Variants in CEP112 observed in about 807,000 individuals in gnomAD.
CEP112 encodes the protein centrosomal protein 112, also known as centrosomal protein of 112 kDa.
In CEP112, 127 loss-of-function variants were observed where a neutral mutation model predicts 153.0. The ratio of observed to expected loss-of-function variants is 0.83; its 90% CI spans 0.72 to 0.96. CEP112 has a LOEUF of 0.96. Among genes scored for constraint, CEP112 ranks in the 40% least tolerant of loss-of-function variants. The probability of loss-of-function intolerance (pLI) is 0.00; values close to 1 mark genes in which losing one functional copy is unlikely to be tolerated. For synonymous variants in CEP112, 358 were observed against 374.4 expected, an observed-to-expected ratio of 0.96 and a Z score of 0.51; for missense variants, 1,089 against 1,101.2, an observed-to-expected ratio of 0.99 and a Z score of 0.16.
chr17:66,111,296 G>A (rs2069031289), intron 6 of CEP112, among the ~76,000 whole-genome samples: 2 of 152,150 alleles, frequency 1.3e-5, no homozygotes, highest in Non-Finnish European at 2.9e-5. Flanking sequence ...AAAGCAGTAT[G>A]GCCATTGCTC....
intron 12 of CEP112, among the ~76,000 whole-genome samples, chr17:66,052,004 G>T (rs1024472200): frequency 5.9e-5 from 9 of 152,136 alleles, no homozygotes; most frequent in African/African-American, 2.2e-4. Flanking sequence ...GCATACAGAT[G>T]GGCAAAATCA....
At chr17:66,032,468 C>T (rs1420470646) in intron 12 of CEP112, among the ~76,000 whole-genome samples, 2 of 152,014 alleles carry the variant, frequency 1.3e-5, no homozygotes, top group Admixed American at 1.3e-4. Flanking sequence ...ATATCACAGG[C>T]TTTCAGTTGA....
intron 20 of CEP112, chr17:65,872,843 A>G (rs1482505570): frequency 6.6e-6 from 1 of 152,202 alleles, no homozygotes; most frequent in South Asian, 2.1e-4. Context: ...GCTCTTCTAA[A>G]AACATTCCGC....
chr17:66,185,960 T>C lies in CEP112; in HGVS notation c.-8-2653A>G, dbSNP rs185496180. The stretch of plus-strand genomic sequence containing the variant: ...GTCTCTGTAAGTAAATCGTAGCTTT[T>C]ACTTGCTGACTTTACTTTCCTCAGT... On this transcript the variant is annotated intron_variant, in intron 1 of 26. Coordinates refer to ENST00000535342, the MANE Select transcript of CEP112 (RefSeq NM_001199165.4). Among the ~76,000 whole-genome samples the C allele has an allele frequency of 2.0e-5, 3 of 152,304 alleles. No homozygotes were observed. In the East Asian group the frequency reaches 5.8e-4, roughly 29 times the overall value.
chr17:65,845,361 C>G (rs2057692494), intron 21 of CEP112, among the ~76,000 whole-genome samples: 1 of 152,038 alleles, frequency 6.6e-6, no homozygotes, highest in Admixed American at 6.6e-5. Context: ...ACCCATAAAA[C>G]AGGATATCAT....
chr17:65,818,486 T>C (rs997451667), intron 21 of CEP112, among the ~76,000 whole-genome samples: 9 of 151,784 alleles, frequency 5.9e-5, no homozygotes, highest in African/African-American at 1.9e-4. Context: ...AGGATTCAGT[T>C]CCAGTGAATG....
chr17:65,811,565 A>G (rs965861322), intron 21 of CEP112, among the ~76,000 whole-genome samples: 1 of 152,196 alleles, frequency 6.6e-6, no homozygotes, highest in Non-Finnish European at 1.5e-5. Context: ...CCGAGAGGCC[A>G]ATGAGTTGTA....
chr17:65,949,207 G>T (rs535390824), intron 18 of CEP112, among the ~76,000 whole-genome samples: 13 of 152,246 alleles, frequency 8.5e-5, no homozygotes, highest in African/African-American at 2.6e-4. Flanking sequence ...TGCCATGTAA[G>T]AATTACTTGA....
chr17:65,808,155 A>C (rs2055724111), intron 21 of CEP112, among the ~76,000 whole-genome samples: 2 of 152,262 alleles, frequency 1.3e-5, no homozygotes, highest in East Asian at 3.8e-4. Context: ...TGGAGCTTTA[A>C]GATTTAATGA....
intron 17 of CEP112, among the ~76,000 whole-genome samples, chr17:65,971,057 TTACA>T (rs1299667703): frequency 1.3e-5 from 2 of 152,322 alleles, no homozygotes; most frequent in Admixed American, 6.5e-5. Flanking sequence ...TACATGTCTA[TTACA>T]TACATGCATG....
chr17:65,930,785 T>C (rs1356089308), intron 18 of CEP112, among the ~76,000 whole-genome samples: 1 of 152,216 alleles, frequency 6.6e-6, no homozygotes, highest in African/African-American at 2.4e-5. Context: ...CCCTTGATAT[T>C]TTCCAAGCAA....
intron 18 of CEP112, among the ~76,000 whole-genome samples, chr17:65,952,529 T>C (rs7207859): frequency 0.066 from 10,014 of 152,174 alleles, 496 homozygotes; most frequent in African/African-American, 0.12. Flanking sequence ...AGGAATATTT[T>C]GGTTGCCCAA....
intron 6 of CEP112, among the ~76,000 whole-genome samples, chr17:66,109,253 T>G (rs1441218368): frequency 6.6e-6 from 1 of 152,148 alleles, no homozygotes. Flanking sequence ...CATTTTTAAA[T>G]AACTATAAGA....
intron 12 of CEP112, among the ~76,000 whole-genome samples, chr17:66,033,940 G>C (rs996081493): frequency 2.0e-5 from 3 of 152,122 alleles, no homozygotes; most frequent in Admixed American, 6.6e-5. Flanking sequence ...TTTATATGCA[G>C]ATTTTTTTTT....
At chr17:66,114,493 C>A (rs768008650) in intron 6 of CEP112, among the ~76,000 whole-genome samples, 1 of 152,078 alleles carries the variant, frequency 6.6e-6, no homozygotes, top group Non-Finnish European at 1.5e-5. Flanking sequence ...AATATATTAC[C>A]AGTAACACAA....
At chr17:66,131,243 A>G (rs894697090) in intron 5 of CEP112, among the ~76,000 whole-genome samples, 1 of 152,154 alleles carries the variant, frequency 6.6e-6, no homozygotes, top group Non-Finnish European at 1.5e-5. Context: ...TATCACTTCT[A>G]CTAGTGGTCC....
At chr17:66,148,705 G>A (rs189211233) in intron 4 of CEP112, among the ~76,000 whole-genome samples, 153 of 152,184 alleles carry the variant, frequency 1.0e-3, no homozygotes, top group African/African-American at 3.6e-3. Flanking sequence ...CACTGATTTT[G>A]TATCCTGCAA....
chr17:65,792,731 T>A (rs1322562424), intron 21 of CEP112, among the ~76,000 whole-genome samples: 2 of 152,192 alleles, frequency 1.3e-5, no homozygotes, highest in African/African-American at 2.4e-5. Flanking sequence ...GACCTGCACA[T>A]GTACCCCTGA....
At chr17:65,794,628 G>T (rs776046271) in intron 21 of CEP112, among the ~76,000 whole-genome samples, 30 of 152,300 alleles carry the variant, frequency 2.0e-4, no homozygotes, top group Non-Finnish European at 3.4e-4. Context: ...TATCCTGATG[G>T]CATTAAACAT....
Sources: allele counts gnomAD v4.1 joint callset (sites outside exome capture counted in the v4.1 genomes callset), GRCh38; gene constraint gnomAD v4.1.1; transcripts MANE v1.5; gene names NCBI Gene and HGNC (gene_info 2026-07-23, HGNC 2026-07-21).